The following THSD7A variants were observed in gnomAD, a reference collection of about 807,000 sequenced individuals.
THSD7A encodes thrombospondin type 1 domain containing 7A.
In THSD7A, 96 loss-of-function variants were observed where a neutral mutation model predicts 231.3. That is an observed-to-expected ratio of 0.41 (90% CI 0.35 to 0.49). THSD7A has a LOEUF of 0.49. Among genes scored for constraint, THSD7A ranks in the 20% least tolerant of loss-of-function variants. The pLI is 0.05. For synonymous variants in THSD7A, 940 were observed against 743.3 expected (o/e 1.26, Z -4.30); for missense variants, 2,290 against 2,070.2 (o/e 1.11, Z -2.06).
In THSD7A at chr7:11,637,416, G is replaced by C. The variant is rs886888106; in HGVS notation, c.191-455C>G. Among the ~76,000 whole-genome samples the C allele has an allele frequency of 6.6e-6, 1 of 152,108 alleles. No individual in the cohort carries two copies. Among genetic ancestry groups the C allele is most frequent in the African/African-American group, 2.4e-5 (1 of 41,390 alleles). ...TTCCTGGACAGTTAACTATTTTGTG[G>C]AACTTGCTCTCTTCTTCAACATATT... On this transcript the variant is annotated intron_variant, in intron 1 of 27. Coordinates refer to ENST00000423059, the MANE Select transcript of THSD7A (RefSeq NM_015204.3). This position sits in a 1 kb window ranked among gnomAD's most constrained non-coding sequence, Gnocchi z 4.2.
intron 1 of THSD7A, among the ~76,000 whole-genome samples, chr7:11,778,721 A>C (rs149048839): frequency 3.9e-4 from 60 of 152,320 alleles, no homozygotes; most frequent in Non-Finnish European, 1.8e-4. Flanking sequence ...TAATTTTCAG[A>C]AACTATTCTC....
chr7:11,681,719 C>T (rs557774212), intron 1 of THSD7A, among the ~76,000 whole-genome samples: 8 of 152,036 alleles, frequency 5.3e-5, no homozygotes, highest in Non-Finnish European at 8.8e-5. Flanking sequence ...AATTTCCCAA[C>T]CTCACTAGAA....
At chr7:11,702,560 G>A (rs970049828) in intron 1 of THSD7A, among the ~76,000 whole-genome samples, 1 of 151,120 alleles carries the variant, frequency 6.6e-6, no homozygotes, top group Non-Finnish European at 1.5e-5. Flanking sequence ...TGGGCAGGCC[G>A]ATCTGGATAA....
intron 6 of THSD7A, among the ~76,000 whole-genome samples, chr7:11,536,398 C>T (rs1788916839): frequency 6.6e-6 from 1 of 152,176 alleles, no homozygotes; most frequent in African/African-American, 2.4e-5. Flanking sequence ...GATTCTGCAG[C>T]TTCAGCCTCA....
intron 1 of THSD7A, chr7:11,820,819 C>G: frequency 4.1e-6 from 4 of 981,132 alleles, no homozygotes; most frequent in Non-Finnish European, 4.9e-6. Flanking sequence ...CTCTCCGGTG[C>G]TTCTTCTGCT....
At chr7:11,803,998 T>C (rs1583304145) in intron 1 of THSD7A, among the ~76,000 whole-genome samples, 1 of 152,164 alleles carries the variant, frequency 6.6e-6, no homozygotes, top group East Asian at 1.9e-4. Context: ...TTTTGAATTA[T>C]CATAAGATAA....
At position 11,372,141 on chromosome 7, in the gene THSD7A, G is replaced by C. The variant is rs1052153039; in HGVS notation, c.*3653C>G. ...CAATGACCACTGCCACCTACCTGAG[G>C]GTGGGGCAGGGAAAAATCAAACTCC... is the stretch of plus-strand genomic sequence containing the variant. On this transcript the variant is annotated 3_prime_UTR_variant, in exon 28 of 28. Transcript: ENST00000423059. 2.0e-5 allele frequency: 3 copies of C among 151,452 alleles called. No individual in the cohort carries two copies. The highest frequency in any genetic ancestry group is 4.4e-5 in the Non-Finnish European group (3 of 68,036). The allele number at this position is 151,452 out of a possible 1,614,324, so 9.4% of individuals were successfully genotyped here. A position where few individuals can be genotyped will look rare whatever the true frequency, so the allele number is the denominator to read the frequency against.
chr7:11,636,986 T>C lies in THSD7A; in HGVS notation c.191-25A>G. On this transcript the variant is annotated intron_variant, in intron 1 of 27. Transcript: ENST00000423059. This position sits in a 1 kb window ranked among gnomAD's most constrained non-coding sequence, Gnocchi z 10.0. ...CCTACAAAAATTATAACACAAAAAT[T>C]AGCAGTGCTACTAGAAGAAAACTAC... The C allele has an allele frequency of 6.3e-7, 1 of 1,577,506 alleles. No individual in the cohort carries two copies. The highest frequency in any genetic ancestry group is 1.1e-5 in the South Asian group (1 of 87,526).
chr7:11,815,723 C>G (rs1335638892), intron 1 of THSD7A, among the ~76,000 whole-genome samples: 2 of 152,072 alleles, frequency 1.3e-5, no homozygotes, highest in Non-Finnish European at 2.9e-5. Flanking sequence ...CAAATATATT[C>G]TTTCATTCCT....
At chr7:11,480,050 C>T (rs1786358824) in intron 7 of THSD7A, among the ~76,000 whole-genome samples, 1 of 152,152 alleles carries the variant, frequency 6.6e-6, no homozygotes, top group South Asian at 2.1e-4. Context: ...ACAATTATTA[C>T]ACGTCAATTA....
intron 4 of THSD7A, among the ~76,000 whole-genome samples, chr7:11,563,558 C>T (rs1166884065): frequency 1.3e-5 from 2 of 152,028 alleles, no homozygotes; most frequent in Non-Finnish European, 2.9e-5. Flanking sequence ...GACAGGGTTT[C>T]ACCATGTTGG....
At chr7:11,410,820 T>C (rs1238376605) in intron 19 of THSD7A, among the ~76,000 whole-genome samples, 1 of 152,074 alleles carries the variant, frequency 6.6e-6, no homozygotes, top group Non-Finnish European at 1.5e-5. Flanking sequence ...ATGTGATCAA[T>C]GTTTAGCAAC....
In THSD7A at chr7:11,449,254, T is replaced by C. The variant is rs577264094; in HGVS notation, c.2606-1830A>G. 4.3e-4 allele frequency among the ~76,000 whole-genome samples: 66 copies of C among 152,190 alleles called. No homozygotes were observed. In the South Asian group the frequency reaches 9.7e-3, roughly 22 times the overall value. ...TACTGCTCTAGTAGGTAATATATTTTCACCTGCATCAGAAACACCTAGAAT... is the reference window on the plus strand; with the variant it reads ...TACTGCTCTAGTAGGTAATATATTTCCACCTGCATCAGAAACACCTAGAAT... On this transcript the variant is annotated intron_variant, in intron 11 of 27. Transcript: ENST00000423059.
At chr7:11,796,566 C>T (rs1217061835) in intron 1 of THSD7A, among the ~76,000 whole-genome samples, 1 of 151,512 alleles carries the variant, frequency 6.6e-6, no homozygotes, top group African/African-American at 2.4e-5. Context: ...TTGATGTTTT[C>T]AATAAAATGT....
At chr7:11,759,921 AG>A (rs1782801372) in intron 1 of THSD7A, among the ~76,000 whole-genome samples, 1 of 152,102 alleles carries the variant, frequency 6.6e-6, no homozygotes, top group Non-Finnish European at 1.5e-5. Flanking sequence ...TTGGAGAAAC[AG>A]TACATATATG....
chr7:11,599,175 C>T (rs367963951), intron 2 of THSD7A, among the ~76,000 whole-genome samples: 3 of 152,234 alleles, frequency 2.0e-5, no homozygotes, highest in Non-Finnish European at 2.9e-5. Flanking sequence ...TCAATTAGGG[C>T]GTCTCTTAGT....
chr7:11,391,319 GC>G (rs1285232947), intron 23 of THSD7A, among the ~76,000 whole-genome samples: 1 of 152,224 alleles, frequency 6.6e-6, no homozygotes, highest in Non-Finnish European at 1.5e-5. Flanking sequence ...ATCTAGAAAG[GC>G]GGTCTGGCCA....
intron 18 of THSD7A, 76 bp downstream of exon 18, chr7:11,412,580 T>C (rs1169703343): frequency 6.4e-7 from 1 of 1,560,916 alleles, no homozygotes; most frequent in Non-Finnish European, 8.8e-7. Flanking sequence ...AGATGAACTA[T>C]ACTGACAGGA....
intron 11 of THSD7A, among the ~76,000 whole-genome samples, chr7:11,450,807 T>G (rs1276659295): frequency 1.3e-5 from 2 of 152,106 alleles, no homozygotes; most frequent in African/African-American, 2.4e-5. Flanking sequence ...AAGTTCTCCT[T>G]TGAGCTGAAG....
Sources: gnomAD v4.1 joint callset for allele counts (sites outside exome capture counted in the v4.1 genomes callset) on GRCh38, gnomAD v4.1.1 for gene constraint, Gnocchi (gnomAD v3.1) non-coding constraint, MANE v1.5 for transcripts, NCBI Gene and HGNC (gene_info 2026-07-23, HGNC 2026-07-21) for gene names.